The following ARIH1 variants were observed in gnomAD, a reference collection of about 807,000 sequenced individuals.
ARIH1 encodes the protein E3 ubiquitin-protein ligase ARIH1.
ARIH1 carries 8 observed loss-of-function variants against 85.0 expected under a neutral mutation model. The ratio of observed to expected loss-of-function variants is 0.09; its 90% CI spans 0.06 to 0.17. The LOEUF (loss-of-function observed/expected upper bound fraction) is 0.17. ARIH1 is among the 10% of genes least tolerant of loss of function. The pLI, the probability that ARIH1 is intolerant of heterozygous loss-of-function variation, is 1.00. For missense variants in ARIH1, 311 were observed against 718.1 expected, an observed-to-expected ratio of 0.43 and a Z score of 6.48; for synonymous variants, 238 against 253.6, an observed-to-expected ratio of 0.94 and a Z score of 0.59.
chr15:72,475,969 C>T (rs2063793508), intron 1 of ARIH1, among the ~76,000 whole-genome samples: 1 of 152,118 alleles, frequency 6.6e-6, no homozygotes, highest in South Asian at 2.1e-4. Flanking sequence ...CTCAGTTCTC[C>T]TGAGGAGTCA....
In ARIH1 at chr15:72,600,144, T is replaced by C. The variant is rs2064377243; in HGVS notation, c.*16852T>C. The C allele has an allele frequency of 6.6e-6, 1 of 152,208 alleles. No individual in the cohort carries two copies. Among genetic ancestry groups the C allele is most frequent in the East Asian group, 1.9e-4 (1 of 5,198 alleles). 9.4% of individuals were successfully genotyped at this position (152,208 alleles called of 1,614,324 possible). On this transcript the variant is annotated 3_prime_UTR_variant, in exon 14 of 14. Coordinates refer to ENST00000379887, the MANE Select transcript of ARIH1 (RefSeq NM_005744.5). ...GTAAAAACTCAACTGTAGCTCCTTGTTTATACATATATTGGGGGTGTTGAA... is the reference window on the plus strand; with the variant it reads ...GTAAAAACTCAACTGTAGCTCCTTGCTTATACATATATTGGGGGTGTTGAA...
chr15:72,535,056 A>G (rs923719124), intron 2 of ARIH1, among the ~76,000 whole-genome samples: 28 of 139,202 alleles, frequency 2.0e-4, no homozygotes, highest in Admixed American at 7.2e-4. Context: ...GGTTCATGCC[A>G]TTCTCCTGCC....
intron 1 of ARIH1, among the ~76,000 whole-genome samples, chr15:72,499,193 C>T (rs1035567293): frequency 1.3e-4 from 20 of 151,750 alleles, no homozygotes; most frequent in Non-Finnish European, 2.6e-4. Context: ...TCAGGCTGGC[C>T]TCGAACTTCT....
intron 1 of ARIH1, 43 bp from the exon 2 acceptor site, chr15:72,518,024 G>C (rs752717396): frequency 6.9e-7 from 1 of 1,450,412 alleles, no homozygotes; most frequent in African/African-American, 1.4e-5. Context: ...TGTCCATGAA[G>C]TGCTATTACC....
chr15:72,517,480 AGT>A (rs2063980371), intron 1 of ARIH1, among the ~76,000 whole-genome samples: 2 of 151,764 alleles, frequency 1.3e-5, no homozygotes, highest in African/African-American at 2.4e-5. Flanking sequence ...GCTGGAGTGC[AGT>A]GGTGGGATCT....
chr15:72,577,841 T>C (rs1417414495), intron 11 of ARIH1, among the ~76,000 whole-genome samples: 1 of 152,160 alleles, frequency 6.6e-6, no homozygotes, highest in Non-Finnish European at 1.5e-5. Flanking sequence ...TGGTGTAACT[T>C]TACAGGAAAA....
At chr15:72,503,453 G>A (rs896452374) in intron 1 of ARIH1, among the ~76,000 whole-genome samples, 2 of 152,164 alleles carry the variant, frequency 1.3e-5, no homozygotes, top group African/African-American at 4.8e-5. Flanking sequence ...TGTGTTCTTG[G>A]ATTTAGTGGT....
chr15:72,558,067 C>G (rs1032247308), intron 5 of ARIH1, among the ~76,000 whole-genome samples: 6 of 152,144 alleles, frequency 3.9e-5, no homozygotes, highest in African/African-American at 1.4e-4. Context: ...GCCAGGACTT[C>G]CAGTACTATG....
intron 7 of ARIH1, among the ~76,000 whole-genome samples, chr15:72,565,477 A>T (rs140142038): frequency 2.5e-4 from 38 of 152,268 alleles, no homozygotes; most frequent in African/African-American, 8.7e-4. Flanking sequence ...CCAAACATCT[A>T]TAGAATTACA....
intron 2 of ARIH1, among the ~76,000 whole-genome samples, chr15:72,518,786 CA>C (rs1207137942): frequency 0.047 from 4,319 of 92,172 alleles, 98 homozygotes; most frequent in Admixed American, 0.12. Context: ...GACTCTATCT[CA>C]AAAAAAAAAA....
In ARIH1 at chr15:72,560,026, G is replaced by C. The variant is rs544722568; in HGVS notation, c.738-1457G>C. 3.9e-5 allele frequency among the ~76,000 whole-genome samples: 6 copies of C among 152,274 alleles called. No homozygotes were observed. In the South Asian group the frequency reaches 1.0e-3, roughly 26 times the overall value. On this transcript the variant is annotated intron_variant, in intron 5 of 13. Coordinates refer to ENST00000379887, the MANE Select transcript of ARIH1 (RefSeq NM_005744.5). The stretch of plus-strand genomic sequence containing the variant: ...TTTCAAAGGAGAATTCCTGGGTCTT[G>C]TGGTAATGCTATGTTTAACTTTTTG...
At chr15:72,477,705 A>G (rs769555390) in intron 1 of ARIH1, among the ~76,000 whole-genome samples, 8 of 152,200 alleles carry the variant, frequency 5.3e-5, no homozygotes, top group Non-Finnish European at 1.2e-4. Flanking sequence ...ATAAAAGACC[A>G]AATTAAACAA....
Position 72,588,127 on chromosome 15 carries a change from C to G in ARIH1, c.*4835C>G, listed in dbSNP as rs897063300. 37 of 152,280 alleles carry G rather than the reference C, an allele frequency of 2.4e-4. No homozygotes were observed. Among genetic ancestry groups the G allele is most frequent in the African/African-American group, 8.7e-4 (36 of 41,548 alleles). The allele number at this position is 152,280 out of a possible 1,614,324, so 9.4% of individuals were successfully genotyped here. A position where few individuals can be genotyped will look rare whatever the true frequency, so the allele number is the denominator to read the frequency against. On this transcript the variant is annotated 3_prime_UTR_variant, in exon 14 of 14. Transcript: ENST00000379887. ...TCTCAAGTAATCCAGGAGTCTCAAACTGAAATGTCAACAAGAGCCAAGTAA... is the reference window on the plus strand; with the variant it reads ...TCTCAAGTAATCCAGGAGTCTCAAAGTGAAATGTCAACAAGAGCCAAGTAA...
intron 2 of ARIH1, among the ~76,000 whole-genome samples, chr15:72,519,521 T>G (rs1182764812): frequency 6.9e-6 from 1 of 145,450 alleles, no homozygotes; most frequent in African/African-American, 2.5e-5. Flanking sequence ...TTCGCTCTTG[T>G]TGCCCAGGCT....
At chr15:72,565,703 C>T (rs911891230) in intron 7 of ARIH1, among the ~76,000 whole-genome samples, 2 of 152,164 alleles carry the variant, frequency 1.3e-5, no homozygotes, top group African/African-American at 4.8e-5. Context: ...TATATAGCTA[C>T]AATCCAGTTA....
rs1245473922 is a variant in ARIH1 at position 72,592,248 on chromosome 15, T to G, written c.*8956T>G. On this transcript the variant is annotated 3_prime_UTR_variant, in exon 14 of 14. Transcript: ENST00000379887. ...AAATTGCTTTACAGATTCTAAATGCTATCTCTGGGACACTGGATTGTGTGC... is the reference window on the plus strand; with the variant it reads ...AAATTGCTTTACAGATTCTAAATGCGATCTCTGGGACACTGGATTGTGTGC... 6.6e-6 allele frequency: 1 copy of G among 152,242 alleles called. No individual in the cohort carries two copies. Among genetic ancestry groups the G allele is most frequent in the Non-Finnish European group, 1.5e-5 (1 of 68,046 alleles). The allele number at this position is 152,242 out of a possible 1,614,324, so 9.4% of individuals were successfully genotyped here.
At chr15:72,541,444 G>C (rs2064107107) in intron 2 of ARIH1, among the ~76,000 whole-genome samples, 1 of 152,066 alleles carries the variant, frequency 6.6e-6, no homozygotes, top group Non-Finnish European at 1.5e-5. Flanking sequence ...CTTTGTTCTT[G>C]GCTAGGAAGA....
chr15:72,567,864 A>G (rs1327221821), intron 9 of ARIH1, among the ~76,000 whole-genome samples: 1 of 152,150 alleles, frequency 6.6e-6, no homozygotes, highest in African/African-American at 2.4e-5. Flanking sequence ...ATTATTTTGT[A>G]CATGTAAAGA....
At position 72,570,193 on chromosome 15, in the gene ARIH1, A is replaced by G; in HGVS notation, c.1043A>G (p.His348Arg). 1 of 1,614,062 alleles carries G rather than the reference A, an allele frequency of 6.2e-7. No individual in the cohort carries two copies. Among genetic ancestry groups the G allele is most frequent in the Non-Finnish European group, 8.5e-7 (1 of 1,179,942 alleles). ...TCTTCATAGGAATGTCCCAAATGCC[A>G]TGTCACAATTGAGAAGGATGGTGGT... ...AANTKECPKC[H>R]VTIEKDGGCN... Residue 348 changes from histidine to arginine, a missense_variant, in exon 10 of 14, where the codon CAT becomes CGT. Physicochemically the swap from His to Arg is conservative, Grantham distance 29. This residue lies in a region of ARIH1 where 50 missense variants were observed against 311.7 expected (regional missense o/e 0.16). Transcript: ENST00000379887.
Sources: gnomAD v4.1 joint callset for allele counts (sites outside exome capture counted in the v4.1 genomes callset) on GRCh38, gnomAD v4.1.1 for gene constraint, gnomAD v4.1.1 regional missense constraint, MANE v1.5 for transcripts, NCBI Gene and HGNC (gene_info 2026-07-23, HGNC 2026-07-21) for gene names.